SH3RF2: variants seen among roughly 807,000 people sequenced by gnomAD.
SH3RF2 encodes the protein SH3 domain containing ring finger 2, also known as E3 ubiquitin-protein ligase SH3RF2.
A neutral mutation model predicts 59.0 loss-of-function variants in SH3RF2; 43 were observed. The observed-to-expected ratio is 0.73, with a 90% CI of 0.57 to 0.94. The LOEUF is 0.94. Ranked by LOEUF, SH3RF2 falls within the 40% of genes least tolerant of loss-of-function variation. The pLI is 0.00. For missense variants in SH3RF2, 930 were observed against 940.1 expected (o/e 0.99, Z 0.14); for synonymous variants, 391 against 391.5 (o/e 1.00, Z 0.01).
intron 4 of SH3RF2, among the ~76,000 whole-genome samples, chr5:146,010,469 G>T (rs1760835313): frequency 6.6e-6 from 1 of 152,190 alleles, no homozygotes; most frequent in African/African-American, 2.4e-5. Context: ...CTTCCACAAT[G>T]ATTGAACTAG....
At chr5:146,070,136 T>C (rs1266192220) in intron 9 of SH3RF2, among the ~76,000 whole-genome samples, 1 of 152,186 alleles carries the variant, frequency 6.6e-6, no homozygotes, top group Non-Finnish European at 1.5e-5. Flanking sequence ...TTTTCCCATT[T>C]TGAAGATTAG....
At chr5:145,952,683 T>C (rs1481515454) in intron 2 of SH3RF2, among the ~76,000 whole-genome samples, 4 of 152,172 alleles carry the variant, frequency 2.6e-5, no homozygotes, top group African/African-American at 9.7e-5. Flanking sequence ...TTTATAATCT[T>C]AGCTGGGTTC....
chr5:145,978,857 T>A (rs1759401869), intron 2 of SH3RF2, among the ~76,000 whole-genome samples: 1 of 152,208 alleles, frequency 6.6e-6, no homozygotes, highest in Non-Finnish European at 1.5e-5. Context: ...TTTGAAATCT[T>A]CCTTTTTTTC....
At chr5:145,985,484 C>A (rs1191724580) in intron 2 of SH3RF2, among the ~76,000 whole-genome samples, 1 of 152,170 alleles carries the variant, frequency 6.6e-6, no homozygotes, top group Non-Finnish European at 1.5e-5. Flanking sequence ...GACAGCCTAT[C>A]AGCTTGTGGC....
At chr5:146,063,768 G>A (rs1182579628), downstream of SH3RF2, among the ~76,000 whole-genome samples, 2 of 152,276 alleles carry the variant, frequency 1.3e-5, no homozygotes, top group South Asian at 2.1e-4. Flanking sequence ...GCCGAGGCAT[G>A]AAAATAGCTT....
intron 5 of SH3RF2, among the ~76,000 whole-genome samples, chr5:146,027,836 T>C (rs1761585203): frequency 6.6e-6 from 1 of 152,140 alleles, no homozygotes; most frequent in Non-Finnish European, 1.5e-5. Context: ...GCGCCAGTAC[T>C]CCTGGGGCAC....
intron 5 of SH3RF2, among the ~76,000 whole-genome samples, chr5:146,046,528 G>T (rs1762310928): frequency 6.6e-6 from 1 of 152,130 alleles, no homozygotes; most frequent in African/African-American, 2.4e-5. Flanking sequence ...CATTATCCTT[G>T]GTGTACTAGG....
chr5:146,070,104 C>A (rs1009751724), intron 9 of SH3RF2, among the ~76,000 whole-genome samples: 4 of 152,178 alleles, frequency 2.6e-5, no homozygotes, highest in South Asian at 2.1e-4. Flanking sequence ...TTCTACCCAA[C>A]CCTATGACAG....
In SH3RF2 at chr5:145,937,829, A is replaced by C; in HGVS notation, c.-100A>C. ...CTCTCCCTCCTTCAAGCAGGCAAAAATTCTGACGTTCTCAAGAGACCAGCT... is the reference window on the plus strand; with the variant it reads ...CTCTCCCTCCTTCAAGCAGGCAAAACTTCTGACGTTCTCAAGAGACCAGCT... On this transcript the variant is annotated 5_prime_UTR_variant, in exon 2 of 10. Coordinates refer to ENST00000359120, the MANE Select transcript of SH3RF2 (RefSeq NM_152550.4). 4 of 1,448,172 alleles carry C rather than the reference A, an allele frequency of 2.8e-6. No homozygotes were observed. Among genetic ancestry groups the C allele is most frequent in the Non-Finnish European group, 3.7e-6 (4 of 1,083,086 alleles). 89.7% of individuals were successfully genotyped at this position (1,448,172 alleles called of 1,614,324 possible).
chr5:146,010,847 G>A lies in SH3RF2; in HGVS notation c.745-2900G>A, dbSNP rs185227458. ...TGTAGGTTGCCTGTTCACTCCGATG[G>A]CAGTTTCTTTTGCTGTGCAGAAGCT... On this transcript the variant is annotated intron_variant, in intron 4 of 9. Transcript: ENST00000359120. Among the ~76,000 whole-genome samples the A allele has an allele frequency of 4.6e-5, 7 of 152,170 alleles. No homozygotes were observed. The East Asian group carries it at 1.3e-3, about 29-fold the overall frequency.
chr5:146,064,734 G>A (rs1285786273), downstream of SH3RF2, among the ~76,000 whole-genome samples: 3 of 8,974 alleles, frequency 3.3e-4, no homozygotes, highest in Non-Finnish European at 1.1e-3. Flanking sequence ...AAGAAAGGAA[G>A]GAAGGAAGGA....
chr5:146,045,669 T>C (rs1379386421), intron 5 of SH3RF2, among the ~76,000 whole-genome samples: 1 of 152,270 alleles, frequency 6.6e-6, no homozygotes, highest in Non-Finnish European at 1.5e-5. Context: ...TCATTCTTCT[T>C]TATGGCTGAA....
chr5:146,044,965 CT>C (rs1322685536), intron 5 of SH3RF2, among the ~76,000 whole-genome samples: 1 of 152,206 alleles, frequency 6.6e-6, no homozygotes, highest in African/African-American at 2.4e-5. Context: ...AAGACAGACC[CT>C]AGTGTAATGA....
chr5:145,953,235 ATATTT>A (rs1205518904), intron 2 of SH3RF2, among the ~76,000 whole-genome samples: 1 of 152,182 alleles, frequency 6.6e-6, no homozygotes, highest in Non-Finnish European at 1.5e-5. Flanking sequence ...AAAAGGAAAG[ATATTT>A]TATTAGGGTG....
At chr5:145,984,315 G>T (rs1350952825) in intron 2 of SH3RF2, among the ~76,000 whole-genome samples, 1 of 152,202 alleles carries the variant, frequency 6.6e-6, no homozygotes, top group East Asian at 1.9e-4. Flanking sequence ...TGAGTGTTAT[G>T]ATAGGGGAAG....
At chr5:145,973,093 A>G (rs990265903) in intron 2 of SH3RF2, among the ~76,000 whole-genome samples, 1 of 152,228 alleles carries the variant, frequency 6.6e-6, no homozygotes, top group South Asian at 2.1e-4. Context: ...AAGGCATTCT[A>G]GAGTAAATGA....
rs73793808 is a variant in SH3RF2, at chr5:146,030,517, C to T, written c.1059+16456C>T. Among the ~76,000 whole-genome samples the T allele has an allele frequency of 2.5e-3, 379 of 152,260 alleles. 4 individuals are homozygous for T. The highest frequency in any genetic ancestry group is 8.6e-3 in the African/African-American group (359 of 41,554). The stretch of plus-strand genomic sequence containing the variant: ...TTGATTCCCTGTGCCCGGGATTAGG[C>T]GCTTGCTGGGCCCTCATCTGTCTAC... On this transcript the variant is annotated intron_variant, in intron 5 of 9. Transcript: ENST00000359120.
rs879008197 is a variant in SH3RF2, at chr5:145,997,234, C to A, written c.379-2824C>A. The A allele has an allele frequency of 1.2e-5, 11 of 891,366 alleles. No individual in the cohort carries two copies. In the South Asian group the frequency reaches 1.4e-4, roughly 12 times the overall value. The allele number at this position is 891,366 out of a possible 1,614,324, so 55.2% of individuals were successfully genotyped here. The stretch of plus-strand genomic sequence containing the variant: ...TGCTAGTAGATGGGAAAACTGACAA[C>A]CATGCCTGCAAGTCTGATACATGCA... On this transcript the variant is annotated intron_variant, in intron 2 of 9. Coordinates refer to ENST00000359120, the MANE Select transcript of SH3RF2 (RefSeq NM_152550.4).
At chr5:146,008,181 C>T (rs776869760) in intron 4 of SH3RF2, among the ~76,000 whole-genome samples, 3 of 152,246 alleles carry the variant, frequency 2.0e-5, no homozygotes, top group Admixed American at 6.5e-5. Context: ...GAACTTTGCT[C>T]AGCCCAGTGA....
Sources: gnomAD v4.1 joint callset for allele counts (sites outside exome capture counted in the v4.1 genomes callset) on GRCh38, gnomAD v4.1.1 for gene constraint, MANE v1.5 for transcripts, NCBI Gene and HGNC (gene_info 2026-07-23, HGNC 2026-07-21) for gene names.